STXBP4: variants seen among roughly 807,000 people sequenced by gnomAD.
The protein encoded by STXBP4 is syntaxin binding protein 4.
A neutral mutation model predicts 76.1 loss-of-function variants in STXBP4; 55 were observed. The ratio of observed to expected loss-of-function variants is 0.72; its 90% CI spans 0.58 to 0.91. The LOEUF (loss-of-function observed/expected upper bound fraction) is 0.91, where lower values mean the gene tolerates loss of function less well. Ranked by LOEUF, STXBP4 falls within the 40% of genes least tolerant of loss-of-function variation. The pLI, the probability that STXBP4 is intolerant of heterozygous loss-of-function variation, is 0.00. For synonymous variants in STXBP4, 201 were observed against 220.2 expected (o/e 0.91, Z 0.77); for missense variants, 618 against 636.9 (o/e 0.97, Z 0.32).
chr17:55,012,264 G>A (rs749406589), intron 8 of STXBP4, among the ~76,000 whole-genome samples: 2 of 151,990 alleles, frequency 1.3e-5, no homozygotes, highest in Non-Finnish European at 2.9e-5. Context: ...CCATCCTGAG[G>A]GGAGGAAACT....
At chr17:55,197,705 T>C in the STXBP4 span, among the ~76,000 whole-genome samples, 1 of 149,800 alleles carries the variant, frequency 6.7e-6, no homozygotes, top group Non-Finnish European at 1.5e-5. Context: ...ATTGCACCAC[T>C]GCACTCTAGC....
At chr17:55,204,381 C>G in the STXBP4 span, among the ~76,000 whole-genome samples, 1 of 152,030 alleles carries the variant, frequency 6.6e-6, no homozygotes, top group Non-Finnish European at 1.5e-5. Flanking sequence ...CTGATAAACT[C>G]TAACATATAG....
the STXBP4 span, among the ~76,000 whole-genome samples, chr17:55,209,470 T>C: frequency 6.6e-6 from 1 of 151,918 alleles, no homozygotes; most frequent in South Asian, 2.1e-4. Flanking sequence ...AGCTGGGGAG[T>C]CAGAGTCAAG....
intron 16 of STXBP4, among the ~76,000 whole-genome samples, chr17:55,132,363 G>A (rs1449388108): frequency 1.3e-5 from 2 of 151,942 alleles, no homozygotes; most frequent in Admixed American, 6.6e-5. Context: ...GCTAATTTTT[G>A]TATTTTTAGT....
chr17:54,969,041 C>T (rs1472255918), intron 1 of STXBP4, among the ~76,000 whole-genome samples: 2 of 152,312 alleles, frequency 1.3e-5, no homozygotes, highest in East Asian at 1.9e-4. Context: ...GCCGCTGGCT[C>T]CTGTGCTCAC....
At chr17:55,007,664 TGA>T (rs1192464396) in intron 8 of STXBP4, 67 bp downstream of exon 8, 1 of 1,286,082 alleles carries the variant, frequency 7.8e-7, no homozygotes, top group East Asian at 2.4e-5. Flanking sequence ...TCTCCTTCTT[TGA>T]GAGGATAAAG....
At chr17:55,038,169 T>C (rs2078637247) in intron 10 of STXBP4, among the ~76,000 whole-genome samples, 1 of 152,140 alleles carries the variant, frequency 6.6e-6, no homozygotes, top group Non-Finnish European at 1.5e-5. Context: ...TAATTTATTT[T>C]TTTAAATATT....
At chr17:55,195,772 C>T in the STXBP4 span, among the ~76,000 whole-genome samples, 1 of 152,156 alleles carries the variant, frequency 6.6e-6, no homozygotes, top group African/African-American at 2.4e-5. Context: ...AGGCTGTAAA[C>T]TTCTTGAGGG....
intron 8 of STXBP4, among the ~76,000 whole-genome samples, chr17:55,027,569 A>G (rs2078437939): frequency 6.6e-6 from 1 of 152,216 alleles, no homozygotes; most frequent in Admixed American, 6.5e-5. Context: ...TATTGAAATA[A>G]AAAAAGAAAA....
intron 11 of STXBP4, among the ~76,000 whole-genome samples, chr17:55,046,063 A>G (rs528897329): frequency 6.6e-6 from 1 of 152,164 alleles, no homozygotes; most frequent in South Asian, 2.1e-4. Flanking sequence ...ATCTTGCAAG[A>G]ATAATTTTTA....
At chr17:55,201,459 A>G in the STXBP4 span, among the ~76,000 whole-genome samples, 14 of 152,040 alleles carry the variant, frequency 9.2e-5, no homozygotes, top group African/African-American at 3.4e-4. Flanking sequence ...AGGGATGGGA[A>G]GCAAAAAGAG....
the STXBP4 span, among the ~76,000 whole-genome samples, chr17:55,206,919 G>C: frequency 6.6e-6 from 1 of 151,288 alleles, no homozygotes; most frequent in Non-Finnish European, 1.5e-5. Context: ...TACTCAGCCA[G>C]TGCTGGCTGT....
chr17:55,000,950 A>T (rs187400355), intron 7 of STXBP4, 67 bp downstream of exon 7: 2 of 1,097,100 alleles, frequency 1.8e-6, no homozygotes, highest in East Asian at 2.5e-5. Context: ...GGAGTGTGTA[A>T]TGTGACTTAA....
the STXBP4 span, among the ~76,000 whole-genome samples, chr17:55,193,815 GAAAAA>G: frequency 9.4e-6 from 1 of 105,880 alleles, no homozygotes; most frequent in Non-Finnish European, 1.8e-5. Flanking sequence ...CCTGATTTCA[GAAAAA>G]AAAAAAAAAA....
chr17:55,085,841 A>T (rs2079319636), intron 16 of STXBP4, among the ~76,000 whole-genome samples: 1 of 152,154 alleles, frequency 6.6e-6, no homozygotes, highest in Admixed American at 6.6e-5. Context: ...AATTTGTATA[A>T]CCTAATACAT....
chr17:55,073,647 A>T (rs1336668557), intron 13 of STXBP4, among the ~76,000 whole-genome samples: 1 of 152,150 alleles, frequency 6.6e-6, no homozygotes, highest in Non-Finnish European at 1.5e-5. Flanking sequence ...GTTGTTGTTG[A>T]CACAGAGTTT....
intron 3 of STXBP4, among the ~76,000 whole-genome samples, chr17:54,986,938 G>T (rs1456910490): frequency 9.9e-5 from 15 of 152,208 alleles, no homozygotes; most frequent in Admixed American, 9.8e-4. Context: ...AGAGGTCTCT[G>T]TAGAACTGGT....
In STXBP4 at chr17:55,172,651, TA is replaced by T. The variant is rs2080413134; in HGVS notation, c.*12743del. The T allele has an allele frequency of 6.6e-6, 1 of 152,242 alleles. No individual in the cohort carries two copies. Among genetic ancestry groups the T allele is most frequent in the Non-Finnish European group, 1.5e-5 (1 of 68,042 alleles). The allele number at this position is 152,242 out of a possible 1,614,324, so 9.4% of individuals were successfully genotyped here. A position where few individuals can be genotyped will look rare whatever the true frequency, so the allele number is the denominator to read the frequency against. ...TCACATTTACATAGAAGTTACAGTT[TA>T]AAGTTTGCATCTCGTAATAACTTGG... On this transcript the variant is annotated 3_prime_UTR_variant, in exon 18 of 18. Coordinates refer to ENST00000376352, the MANE Select transcript of STXBP4 (RefSeq NM_178509.6).
chr17:55,185,207 C>A, the STXBP4 span, among the ~76,000 whole-genome samples: 1 of 49,834 alleles, frequency 2.0e-5, no homozygotes, highest in Non-Finnish European at 3.7e-5. Context: ...TCTTCTTCTT[C>A]TTCTTCTTCT....
Sources: gnomAD v4.1 joint callset for allele counts (sites outside exome capture counted in the v4.1 genomes callset) on GRCh38, gnomAD v4.1.1 for gene constraint, MANE v1.5 for transcripts, NCBI Gene and HGNC (gene_info 2026-07-23, HGNC 2026-07-21) for gene names.